Variants in ITGA9 observed in about 807,000 individuals in gnomAD.
The protein encoded by ITGA9 is integrin subunit alpha 9.
A neutral mutation model predicts 127.8 loss-of-function variants in ITGA9; 56 were observed. The observed-to-expected ratio is 0.44, with a 90% CI of 0.35 to 0.55. The LOEUF (loss-of-function observed/expected upper bound fraction) is 0.55. Ranked by LOEUF, ITGA9 falls within the 20% of genes least tolerant of loss-of-function variation. The probability of loss-of-function intolerance (pLI) is 0.00; values close to 1 mark genes in which losing one functional copy is unlikely to be tolerated. For missense variants in ITGA9, 1,196 were observed against 1,347.1 expected, an observed-to-expected ratio of 0.89 and a Z score of 1.76; for synonymous variants, 508 against 514.5, an observed-to-expected ratio of 0.99 and a Z score of 0.17.
intron 3 of ITGA9, among the ~76,000 whole-genome samples, chr3:37,481,168 C>G (rs1388136052): frequency 4.6e-5 from 7 of 152,208 alleles, no homozygotes; most frequent in African/African-American, 9.6e-5. Context: ...TTCCCGACCT[C>G]TGGTGGAAAC....
chr3:37,568,143 A>G, intron 15 of ITGA9, among the ~76,000 whole-genome samples: 1 of 152,266 alleles, frequency 6.6e-6, no homozygotes, highest in East Asian at 1.9e-4. Flanking sequence ...AAATCTAGGC[A>G]GAGGTTCCCA....
intron 15 of ITGA9, among the ~76,000 whole-genome samples, chr3:37,602,277 C>T (rs1478833060): frequency 1.3e-5 from 2 of 150,334 alleles, no homozygotes; most frequent in African/African-American, 4.9e-5. Flanking sequence ...CAAAACAAAA[C>T]AAAAAAAAAA....
chr3:37,779,830 T>C, intron 24 of ITGA9, 72 bp from the exon 25 acceptor site: 1 of 1,490,608 alleles, frequency 6.7e-7, no homozygotes, highest in Non-Finnish European at 9.3e-7. Flanking sequence ...TGGAGCCCAC[T>C]ACTCTGTAAA....
At chr3:37,490,846 G>A (rs1274092805) in intron 4 of ITGA9, among the ~76,000 whole-genome samples, 1 of 152,096 alleles carries the variant, frequency 6.6e-6, no homozygotes, top group Non-Finnish European at 1.5e-5. Flanking sequence ...AGCATGTAAT[G>A]CAGGCCAAGT....
intron 15 of ITGA9, among the ~76,000 whole-genome samples, chr3:37,575,210 T>A (rs778308665): frequency 1.4e-4 from 22 of 152,086 alleles, no homozygotes; most frequent in Non-Finnish European, 2.9e-4. Context: ...AGTAGCAGAT[T>A]CTAGATTGTC....
At chr3:37,722,973 G>C (rs886326038) in intron 18 of ITGA9, among the ~76,000 whole-genome samples, 6 of 152,166 alleles carry the variant, frequency 3.9e-5, no homozygotes, top group Non-Finnish European at 8.8e-5. Flanking sequence ...ATCTAGTCCA[G>C]CATTTGTTAT....
At chr3:37,561,974 A>G (rs148090033) in intron 15 of ITGA9, among the ~76,000 whole-genome samples, 163 of 152,326 alleles carry the variant, frequency 1.1e-3, no homozygotes, top group African/African-American at 3.8e-3. Flanking sequence ...CTGTGCCACA[A>G]ATAATGCTCC....
At chr3:37,793,389 A>AACACACACACACACACAC (rs10575371) in intron 26 of ITGA9, among the ~76,000 whole-genome samples, 4 of 134,458 alleles carry the variant, frequency 3.0e-5, no homozygotes, top group Non-Finnish European at 4.8e-5. Flanking sequence ...CAAACAGGTC[A>AACACACACACACACACAC]ACACACACAC....
chr3:37,798,084 A>G (rs1697195753), intron 26 of ITGA9, among the ~76,000 whole-genome samples: 1 of 152,100 alleles, frequency 6.6e-6, no homozygotes. Context: ...TCGATATCCC[A>G]TGCTCAAATG....
At chr3:37,732,616 A>G in intron 18 of ITGA9, 96 bp from the exon 19 acceptor site, 1 of 888,040 alleles carries the variant, frequency 1.1e-6, no homozygotes, top group South Asian at 1.4e-5. Context: ...CTACCGTCTG[A>G]GCACTGCTCT....
chr3:37,675,692 T>G (rs574394730), intron 17 of ITGA9, among the ~76,000 whole-genome samples: 1 of 152,214 alleles, frequency 6.6e-6, no homozygotes, highest in Admixed American at 6.5e-5. Context: ...CTAAAGCATT[T>G]TATAAGCAAG....
chr3:37,802,088 C>T (rs1294703675), intron 26 of ITGA9, among the ~76,000 whole-genome samples: 1 of 152,144 alleles, frequency 6.6e-6, no homozygotes, highest in South Asian at 2.1e-4. Flanking sequence ...TGGCTAAGAG[C>T]TGGGTTCAAA....
chr3:37,540,004 A>C (rs544939824), intron 14 of ITGA9, among the ~76,000 whole-genome samples: 58 of 152,330 alleles, frequency 3.8e-4, no homozygotes, highest in African/African-American at 1.1e-3. Flanking sequence ...AGGAGAAGAG[A>C]TGCAGGTACT....
intron 15 of ITGA9, among the ~76,000 whole-genome samples, chr3:37,612,946 A>T (rs900334947): frequency 1.3e-5 from 2 of 148,364 alleles, no homozygotes; most frequent in African/African-American, 5.0e-5. Context: ...ATTTGTGGAG[A>T]CCTTGTGCTG....
chr3:37,551,710 C>T (rs541178755), intron 15 of ITGA9, among the ~76,000 whole-genome samples: 18 of 152,352 alleles, frequency 1.2e-4, no homozygotes, highest in Admixed American at 1.1e-3. Flanking sequence ...CTTGGAATCA[C>T]TCTTTGAGTA....
At chr3:37,565,944 C>T (rs954451517) in intron 15 of ITGA9, among the ~76,000 whole-genome samples, 4 of 152,120 alleles carry the variant, frequency 2.6e-5, no homozygotes, top group African/African-American at 9.7e-5. Context: ...TATGATAGTT[C>T]TTATAGATGA....
intron 16 of ITGA9, among the ~76,000 whole-genome samples, chr3:37,633,434 C>T (rs1700245413): frequency 6.6e-6 from 1 of 152,168 alleles, no homozygotes; most frequent in African/African-American, 2.4e-5. Context: ...AGAACACTTA[C>T]ATTAGCCTAC....
At chr3:37,511,914 AG>A (rs1438481531) in intron 8 of ITGA9, among the ~76,000 whole-genome samples, 1 of 152,088 alleles carries the variant, frequency 6.6e-6, no homozygotes, top group African/African-American at 2.4e-5. Context: ...CCATCAACCC[AG>A]GGGCCTTTTA....
At chr3:37,502,224 T>G (rs1386225881) in intron 5 of ITGA9, among the ~76,000 whole-genome samples, 2 of 149,838 alleles carry the variant, frequency 1.3e-5, no homozygotes, top group Non-Finnish European at 3.0e-5. Flanking sequence ...TTTTTTTTTT[T>G]TTTTTTTTTT....
Sources: allele counts gnomAD v4.1 joint callset (sites outside exome capture counted in the v4.1 genomes callset), GRCh38; gene constraint gnomAD v4.1.1; transcripts MANE v1.5; gene names NCBI Gene and HGNC (gene_info 2026-07-23, HGNC 2026-07-21).